Variants in DGKG observed in about 807,000 individuals in gnomAD.
DGKG encodes the protein DAG kinase gamma.
A neutral mutation model predicts 105.3 loss-of-function variants in DGKG; 78 were observed. The ratio of observed to expected loss-of-function variants is 0.74; its 90% CI spans 0.62 to 0.89. The LOEUF (loss-of-function observed/expected upper bound fraction) is 0.89, where lower values mean the gene tolerates loss of function less well. Among genes scored for constraint, DGKG ranks in the 40% least tolerant of loss-of-function variants. The pLI is 0.00. For missense variants in DGKG, 958 were observed against 1,020.1 expected (o/e 0.94, Z 0.83); for synonymous variants, 346 against 367.1 (o/e 0.94, Z 0.66).
At chr3:186,260,215 A>G (rs563447042) in intron 16 of DGKG, among the ~76,000 whole-genome samples, 42 of 152,308 alleles carry the variant, frequency 2.8e-4, no homozygotes, top group Non-Finnish European at 5.0e-4. Flanking sequence ...TTTTTCTAGG[A>G]CAAGCTACAG....
chr3:186,312,122 CAAAAAAAAAAAAAAAAAAA>C lies in DGKG; in HGVS notation c.68-5164_68-5146del, dbSNP rs34286105. 1.5e-3 allele frequency among the ~76,000 whole-genome samples: 27 copies of C among 17,466 alleles called. 2 individuals are homozygous for C. Among genetic ancestry groups the C allele is most frequent in the African/African-American group, 0.011 (18 of 1,708 alleles). 11.5% of individuals were successfully genotyped at this position (17,466 alleles called of 152,430 possible). ...TGGGCGACAGAGCGAGACTCCGTCT[CAAAAAAAAAAAAAAAAAAA>C]AAAAAAAAAAAAAAAAAGAACACAG... On this transcript the variant is annotated intron_variant, in intron 2 of 24. Coordinates refer to ENST00000265022, the MANE Select transcript of DGKG (RefSeq NM_001346.3).
chr3:186,206,594 A>AC (rs560660049), intron 21 of DGKG, among the ~76,000 whole-genome samples: 299 of 151,512 alleles, frequency 2.0e-3, no homozygotes, highest in African/African-American at 6.4e-3. Flanking sequence ...CCCTCGCCCC[A>AC]CCCCCCACCT....
chr3:186,265,166 G>T (rs3815620), intron 14 of DGKG, 81 bp downstream of exon 14: 1 of 1,378,542 alleles, frequency 7.3e-7, no homozygotes, highest in Non-Finnish European at 1.0e-6. Flanking sequence ...ATGCTTTTCT[G>T]TAGAACCCAA....
At chr3:186,280,078 T>C (rs1231552543) in intron 8 of DGKG, 105 bp from the exon 9 acceptor site, 2 of 1,436,014 alleles carry the variant, frequency 1.4e-6, no homozygotes, top group Non-Finnish European at 1.9e-6. Flanking sequence ...GTTTGTGTTT[T>C]ACCCCTTTCC....
At chr3:186,239,634 G>A (rs1250136950) in intron 20 of DGKG, among the ~76,000 whole-genome samples, 1 of 152,198 alleles carries the variant, frequency 6.6e-6, no homozygotes, top group Non-Finnish European at 1.5e-5. Context: ...TTCTTCATAG[G>A]AAGCGTTCGG....
chr3:186,353,578 T>C (rs902410786), intron 1 of DGKG, among the ~76,000 whole-genome samples: 2 of 143,454 alleles, frequency 1.4e-5, no homozygotes, highest in African/African-American at 5.1e-5. Flanking sequence ...TATATATATA[T>C]ATATATATAT....
rs184789647 is a variant in DGKG, at chr3:186,307,589, A to T, written c.68-612T>A. ...TCATATAGTGTTATAATTATTTATT[A>T]ACTTGCCTATCTTGCTCATCTCCTG... is the stretch of plus-strand genomic sequence containing the variant. On this transcript the variant is annotated intron_variant, in intron 2 of 24. Transcript: ENST00000265022. Among the ~76,000 whole-genome samples the T allele has an allele frequency of 1.1e-3, 175 of 152,326 alleles. 1 individual carries two copies. The highest frequency in any genetic ancestry group is 4.0e-3 in the African/African-American group (165 of 41,562).
chr3:186,298,716 A>C (rs560432171), intron 3 of DGKG, among the ~76,000 whole-genome samples: 1 of 152,242 alleles, frequency 6.6e-6, no homozygotes, highest in African/African-American at 2.4e-5. Context: ...CTTCTGTGGT[A>C]TCTTGGTTTC....
chr3:186,355,933 C>A (rs2108679173), intron 1 of DGKG, among the ~76,000 whole-genome samples: 1 of 152,286 alleles, frequency 6.6e-6, no homozygotes, highest in South Asian at 2.1e-4. Context: ...TTTCAAGGAA[C>A]CAGCATGGAA....
At chr3:186,241,162 G>A (rs1430048481) in intron 20 of DGKG, among the ~76,000 whole-genome samples, 2 of 152,270 alleles carry the variant, frequency 1.3e-5, no homozygotes, top group African/African-American at 4.8e-5. Context: ...CTTCTTGGTT[G>A]ACTTCTCAGG....
intron 13 of DGKG, among the ~76,000 whole-genome samples, chr3:186,266,079 T>TA (rs1722042190): frequency 1.3e-5 from 2 of 152,196 alleles, no homozygotes; most frequent in Admixed American, 1.3e-4. Context: ...TCACATATAG[T>TA]AAAATGCTCA....
In DGKG at chr3:186,149,761, G is replaced by T. The variant is rs2574; in HGVS notation, c.*329C>A. ...ACTTGCAGGGCTGGTAGAAAGAAAG[G>T]GGGATTTCCCTTCAGTCTCAGAAAA... On this transcript the variant is annotated 3_prime_UTR_variant, in exon 25 of 25. Transcript: ENST00000265022. 6.6e-6 allele frequency: 7 copies of T among 1,058,610 alleles called. No individual in the cohort carries two copies. The highest frequency in any genetic ancestry group is 5.1e-5 in the African/African-American group (3 of 59,234). The allele number at this position is 1,058,610 out of a possible 1,614,324, so 65.6% of individuals were successfully genotyped here. A position where few individuals can be genotyped will look rare whatever the true frequency, so the allele number is the denominator to read the frequency against.
chr3:186,162,421 C>A (rs1716339131), intron 23 of DGKG, among the ~76,000 whole-genome samples: 1 of 152,222 alleles, frequency 6.6e-6, no homozygotes, highest in African/African-American at 2.4e-5. Context: ...TTGGCCTGGT[C>A]TCTATGTTGA....
intron 1 of DGKG, among the ~76,000 whole-genome samples, chr3:186,321,321 T>G (rs1044532066): frequency 6.6e-6 from 1 of 152,176 alleles, no homozygotes; most frequent in African/African-American, 2.4e-5. Flanking sequence ...GTGAAATTGA[T>G]GTAATGAGTC....
chr3:186,186,042 G>A (rs1717614047), intron 22 of DGKG, among the ~76,000 whole-genome samples: 2 of 144,372 alleles, frequency 1.4e-5, no homozygotes, highest in Admixed American at 1.4e-4. Flanking sequence ...AGGTTGCAGT[G>A]AGCCAACATG....
At chr3:186,282,699 AGAGACGGG>A (rs1428945798) in intron 7 of DGKG, among the ~76,000 whole-genome samples, 2 of 151,930 alleles carry the variant, frequency 1.3e-5, no homozygotes, top group Non-Finnish European at 2.9e-5. Context: ...TATTTTTAGT[AGAGACGGG>A]GTTTTGCCAT....
At chr3:186,357,880 C>T (rs1002426870) in intron 1 of DGKG, among the ~76,000 whole-genome samples, 2 of 152,194 alleles carry the variant, frequency 1.3e-5, no homozygotes, top group African/African-American at 4.8e-5. Flanking sequence ...AATATGATAG[C>T]CAGAAATCAC....
chr3:186,175,091 G>T (rs1163368598), intron 22 of DGKG, among the ~76,000 whole-genome samples: 2 of 152,166 alleles, frequency 1.3e-5, no homozygotes. Flanking sequence ...CTGTCTAATT[G>T]TGTGACCTGG....
chr3:186,328,613 C>A (rs937528256), intron 1 of DGKG, among the ~76,000 whole-genome samples: 5 of 149,472 alleles, frequency 3.3e-5, no homozygotes, highest in African/African-American at 1.2e-4. Flanking sequence ...TTTTGCTCTG[C>A]CGCCCAGACT....
Sources: allele counts gnomAD v4.1 joint callset (sites outside exome capture counted in the v4.1 genomes callset), GRCh38; gene constraint gnomAD v4.1.1; transcripts MANE v1.5; gene names NCBI Gene and HGNC (gene_info 2026-07-23, HGNC 2026-07-21).